Variants in MTMR8 observed in about 807,000 individuals in gnomAD.
MTMR8 encodes phosphatidylinositol-3,5-bisphosphate 3-phosphatase MTMR8.
Under a neutral mutation model 39.3 loss-of-function variants are expected in MTMR8, and 65 were observed. The observed-to-expected ratio is 1.65, with a 90% CI of 1.35 to 2.03. MTMR8 has a LOEUF of 2.03. Among genes scored for constraint, MTMR8 ranks in the 30% most tolerant of loss-of-function variants. The pLI is 0.00. For synonymous variants in MTMR8, 245 were observed against 185.2 expected (o/e 1.32, Z -2.62); for missense variants, 777 against 538.9 (o/e 1.44, Z -4.37).
chrX:64,376,142 G>C (rs936135678), intron 1 of MTMR8, among the ~76,000 whole-genome samples: 5 of 112,006 alleles, frequency 4.5e-5, no homozygotes, highest in Non-Finnish European at 9.4e-5. Flanking sequence ...AAATTACCCA[G>C]TCCCAGGTAG....
At chrX:64,376,996 G>GCA (rs776965516) in intron 1 of MTMR8, among the ~76,000 whole-genome samples, 11 of 111,964 alleles carry the variant, frequency 9.8e-5, no homozygotes, top group Non-Finnish European at 2.1e-4. Flanking sequence ...TCAGGATGCT[G>GCA]CTCCAGAGAG....
Position 64,314,608 on chromosome X carries a change from T to G in MTMR8, c.1481+14164A>C, listed in dbSNP as rs199541649. Among the ~76,000 whole-genome samples, 23 of 112,409 alleles carry G rather than the reference T, an allele frequency of 2.0e-4. No homozygotes were observed. The East Asian group carries it at 5.9e-3, about 29-fold the overall frequency. ...AACTGCAATGGCGGTACAGCAGCGGTGGAGGGTAGAGAGTTGTAGTGAACT... is the reference window on the plus strand; with the variant it reads ...AACTGCAATGGCGGTACAGCAGCGGGGGAGGGTAGAGAGTTGTAGTGAACT... On this transcript the variant is annotated intron_variant, in intron 12 of 13. Coordinates refer to ENST00000374852, the MANE Select transcript of MTMR8 (RefSeq NM_017677.4).
At chrX:64,289,343 C>A (rs997203132) in intron 12 of MTMR8, among the ~76,000 whole-genome samples, 1 of 110,713 alleles carries the variant, frequency 9.0e-6, no homozygotes, top group Non-Finnish European at 1.9e-5. Flanking sequence ...AATGATGCAG[C>A]CATTATTTAA....
intron 12 of MTMR8, among the ~76,000 whole-genome samples, chrX:64,302,561 T>C (rs1217532008): frequency 8.9e-6 from 1 of 112,395 alleles, no homozygotes; most frequent in Non-Finnish European, 1.9e-5. Context: ...AGACCGGAGC[T>C]GTTCCTATTC....
At chrX:64,315,629 T>C (rs1922444581) in intron 12 of MTMR8, among the ~76,000 whole-genome samples, 1 of 111,989 alleles carries the variant, frequency 8.9e-6, no homozygotes, top group Non-Finnish European at 1.9e-5. Context: ...AACTTGTCTA[T>C]TTCATTATAA....
chrX:64,372,691 T>G (rs893183361), intron 1 of MTMR8, among the ~76,000 whole-genome samples: 1 of 111,796 alleles, frequency 8.9e-6, no homozygotes, highest in Admixed American at 9.5e-5. Flanking sequence ...GTATTGCAAC[T>G]GTATGGATAT....
At chrX:64,389,541 C>A (rs746234180) in intron 1 of MTMR8, among the ~76,000 whole-genome samples, 3 of 111,433 alleles carry the variant, frequency 2.7e-5, no homozygotes, top group Non-Finnish European at 5.7e-5. Context: ...TATTCCAATG[C>A]CTATAAAACA....
At chrX:64,334,692 G>A (rs1028193006) in intron 10 of MTMR8, among the ~76,000 whole-genome samples, 1 of 108,029 alleles carries the variant, frequency 9.3e-6, no homozygotes, top group Non-Finnish European at 1.9e-5. Flanking sequence ...ACACTGAATT[G>A]CTTGCAGCTC....
chrX:64,325,557 T>A (rs1922766922), intron 12 of MTMR8, among the ~76,000 whole-genome samples: 1 of 111,988 alleles, frequency 8.9e-6, no homozygotes, highest in Non-Finnish European at 1.9e-5. Flanking sequence ...ATCATTTCAA[T>A]AGATGAAGAA....
At chrX:64,299,205 G>C (rs1272727084) in intron 12 of MTMR8, among the ~76,000 whole-genome samples, 2 of 84,569 alleles carry the variant, frequency 2.4e-5, no homozygotes, top group African/African-American at 9.6e-5. Context: ...AATCCATCTG[G>C]TCCTGGACTC....
intron 12 of MTMR8, among the ~76,000 whole-genome samples, chrX:64,304,451 T>C (rs1458965359): frequency 9.0e-6 from 1 of 111,704 alleles, no homozygotes; most frequent in African/African-American, 3.2e-5. Context: ...TGATACTGAC[T>C]GTCCATCACT....
intron 12 of MTMR8, among the ~76,000 whole-genome samples, chrX:64,281,957 C>T (rs1019111769): frequency 9.2e-6 from 1 of 108,339 alleles, no homozygotes; most frequent in Non-Finnish European, 1.9e-5. Flanking sequence ...ATGCGGCCAA[C>T]AAACATATGA....
At chrX:64,320,292 G>C (rs1325405001) in intron 12 of MTMR8, among the ~76,000 whole-genome samples, 1 of 111,143 alleles carries the variant, frequency 9.0e-6, no homozygotes, top group Non-Finnish European at 1.9e-5. Context: ...ATTTTGGTAA[G>C]AGAGTGATAC....
chrX:64,341,120 C>T (rs1022010634), intron 8 of MTMR8, among the ~76,000 whole-genome samples: 7 of 112,157 alleles, frequency 6.2e-5, no homozygotes, highest in East Asian at 2.8e-4. Flanking sequence ...AAAAGAATGA[C>T]GTAGTACTGA....
chrX:64,339,090 G>A (rs1923150222), intron 8 of MTMR8, among the ~76,000 whole-genome samples: 1 of 111,214 alleles, frequency 9.0e-6, no homozygotes, highest in Non-Finnish European at 1.9e-5. Context: ...TCAGGAGAGG[G>A]AAAGATCTGA....
intron 7 of MTMR8, among the ~76,000 whole-genome samples, chrX:64,344,086 C>T (rs747414522): frequency 1.8e-5 from 2 of 110,703 alleles, no homozygotes; most frequent in Non-Finnish European, 3.8e-5. Flanking sequence ...CAGCATCTGT[C>T]TCTACTCCCA....
chrX:64,272,221 T>C (rs899189286), intron 12 of MTMR8, among the ~76,000 whole-genome samples: 2 of 111,641 alleles, frequency 1.8e-5, no homozygotes, highest in African/African-American at 6.5e-5. Flanking sequence ...AAACTGACTC[T>C]AATGAAAATA....
At chrX:64,363,831 T>C (rs1372136574) in intron 1 of MTMR8, among the ~76,000 whole-genome samples, 1 of 111,544 alleles carries the variant, frequency 9.0e-6, no homozygotes, top group Non-Finnish European at 1.9e-5. Flanking sequence ...TTCCATTTCC[T>C]AGCCAAGGGA....
At chrX:64,274,350 T>C (rs1261313370) in intron 12 of MTMR8, among the ~76,000 whole-genome samples, 1 of 112,027 alleles carries the variant, frequency 8.9e-6, no homozygotes, top group Non-Finnish European at 1.9e-5. Context: ...TTAAACACTC[T>C]TAAACAACCA....
Sources: gnomAD v4.1 joint callset for allele counts (sites outside exome capture counted in the v4.1 genomes callset) on GRCh38, gnomAD v4.1.1 for gene constraint, MANE v1.5 for transcripts, NCBI Gene and HGNC (gene_info 2026-07-23, HGNC 2026-07-21) for gene names.